The following BLK variants were observed in gnomAD, a reference collection of about 807,000 sequenced individuals.
BLK encodes the protein tyrosine-protein kinase Blk.
A neutral mutation model predicts 61.8 loss-of-function variants in BLK; 64 were observed. The ratio of observed to expected loss-of-function variants is 1.03; its 90% CI spans 0.85 to 1.27. The LOEUF is 1.27. Among genes scored for constraint, BLK ranks in the 50% most tolerant of loss-of-function variants. BLK has a pLI of 0.00. For synonymous variants in BLK, 351 were observed against 272.0 expected (o/e 1.29, Z -2.86); for missense variants, 853 against 660.5 (o/e 1.29, Z -3.19).
rs772835838 is a variant in BLK at position 11,543,371 on chromosome 8, A to G, written c.123+24A>G. 12 of 1,611,178 alleles carry G rather than the reference A, an allele frequency of 7.4e-6. No individual in the cohort carries two copies. In the South Asian group the frequency reaches 1.2e-4, roughly 16 times the overall value. ...TGGTGAGTGATTGCCCACCCCCACCAAGAGCAGATTACTTACTTCTCCTAT... is the reference window on the plus strand; with the variant it reads ...TGGTGAGTGATTGCCCACCCCCACCGAGAGCAGATTACTTACTTCTCCTAT... On this transcript the variant is annotated intron_variant, in intron 2 of 12. Coordinates refer to ENST00000259089, the MANE Select transcript of BLK (RefSeq NM_001715.3).
At chr8:11,525,881 A>G (rs1273679029) in intron 1 of BLK, among the ~76,000 whole-genome samples, 1 of 152,162 alleles carries the variant, frequency 6.6e-6, no homozygotes, top group Non-Finnish European at 1.5e-5. Context: ...AGTAGCTGGA[A>G]TTACAGGCAC....
At chr8:11,559,793 T>C (rs1801405537) in intron 10 of BLK, 1 of 456,096 alleles carries the variant, frequency 2.2e-6, no homozygotes, top group Non-Finnish European at 4.4e-6. Context: ...CCTGGCAGAA[T>C]CCTTATCATC....
chr8:11,558,189 T>C (rs1335893278), intron 10 of BLK, 151 bp downstream of exon 10: 5 of 773,980 alleles, frequency 6.5e-6, no homozygotes, highest in Non-Finnish European at 1.1e-5. Flanking sequence ...ATCCCCAAGG[T>C]CACCCACTGC....
chr8:11,504,662 T>G (rs1223804102), intron 1 of BLK, among the ~76,000 whole-genome samples: 1 of 152,218 alleles, frequency 6.6e-6, no homozygotes, highest in African/African-American at 2.4e-5. Context: ...GAGCATGTGC[T>G]CAAAAACTGT....
chr8:11,548,214 G>T, intron 4 of BLK, 89 bp downstream of exon 4: 1 of 1,148,634 alleles, frequency 8.7e-7, no homozygotes, highest in East Asian at 2.4e-5. Flanking sequence ...CTCCATGGCT[G>T]ACCCTGGAAG....
chr8:11,500,853 A>C (rs1798531287), intron 1 of BLK, among the ~76,000 whole-genome samples: 10 of 152,172 alleles, frequency 6.6e-5, no homozygotes. Flanking sequence ...ATTTCATTTT[A>C]AGATTCTTTT....
At chr8:11,518,473 GTC>G (rs889174912) in intron 1 of BLK, among the ~76,000 whole-genome samples, 1 of 152,136 alleles carries the variant, frequency 6.6e-6, no homozygotes, top group African/African-American at 2.4e-5. Context: ...ATTGAGGGGT[GTC>G]TCTCTCCCTT....
chr8:11,554,261 C>T (rs954526178), intron 6 of BLK: 3 of 204,784 alleles, frequency 1.5e-5, no homozygotes, highest in East Asian at 1.1e-4. Context: ...GAACAGAGCC[C>T]CTGGGCATAG....
chr8:11,497,338 C>T (rs1798396363), intron 1 of BLK, among the ~76,000 whole-genome samples: 1 of 152,146 alleles, frequency 6.6e-6, no homozygotes, highest in Admixed American at 6.5e-5. Flanking sequence ...GGAATGTTCC[C>T]TGGCGTGCTC....
rs1453465492 is a variant in BLK, at chr8:11,554,822, AG to A, written c.557del (p.Gly186AlafsTer31). On this transcript the variant is annotated frameshift_variant, in exon 7 of 13. Transcript: ENST00000259089. LOFTEE classifies it high-confidence loss of function. ...KHYKIRCLDEGGYYISPRITF... is the reference protein window; with the variant it reads ...KHYKIRCLDEXGYYISPRITF... ...ACTATAAGATCCGCTGCCTGGATGA[AG>A]GGGGCTACTACATCTCCCCCCGGAT... The A allele has an allele frequency of 6.2e-7, 1 of 1,613,862 alleles. No individual in the cohort carries two copies. The highest frequency in any genetic ancestry group is 8.5e-7 in the Non-Finnish European group (1 of 1,179,984).
At chr8:11,514,363 C>T (rs1177491205) in intron 1 of BLK, among the ~76,000 whole-genome samples, 2 of 152,248 alleles carry the variant, frequency 1.3e-5, no homozygotes, top group Admixed American at 6.5e-5. Context: ...TAGTCCCATC[C>T]TAAAGGCAGA....
intron 2 of BLK, 135 bp downstream of exon 2, chr8:11,543,482 T>A: frequency 7.8e-7 from 1 of 1,277,714 alleles, no homozygotes; most frequent in Non-Finnish European, 1.1e-6. Flanking sequence ...TAAGCAGGTG[T>A]GCCATGCAAT....
intron 1 of BLK, among the ~76,000 whole-genome samples, chr8:11,533,672 A>C: frequency 1.2e-5 from 1 of 85,430 alleles, no homozygotes. Flanking sequence ...AGAGGGAGGG[A>C]GATGGGGAGG....
intron 1 of BLK, among the ~76,000 whole-genome samples, chr8:11,512,514 GT>G (rs1799055612): frequency 6.6e-6 from 1 of 152,162 alleles, no homozygotes; most frequent in Admixed American, 6.5e-5. Flanking sequence ...GGGACTTCAT[GT>G]TTTACAAATT....
chr8:11,543,286 G>A lies in BLK; in HGVS notation c.62G>A (p.Gly21Asp). 6.2e-7 allele frequency: 1 copy of A among 1,613,890 alleles called. No homozygotes were observed. The highest frequency in any genetic ancestry group is 8.5e-7 in the Non-Finnish European group (1 of 1,180,018). The change falls in exon 2 of 13, where the codon GGC (glycine) becomes GAC (aspartate). Residue 21 changes from glycine to aspartate, a missense_variant. By Grantham distance (94) the Gly-to-Asp change is moderately conservative. Coordinates refer to ENST00000259089, the MANE Select transcript of BLK (RefSeq NM_001715.3). ...AAGCCGATCAAAGAGAAGGACAAGGGCCAATGGAGCCCCCTGAAGGTCAGC... is the reference window on the plus strand; with the variant it reads ...AAGCCGATCAAAGAGAAGGACAAGGACCAATGGAGCCCCCTGAAGGTCAGC... ...KEKPIKEKDK[G>D]QWSPLKVSAQ...
chr8:11,560,790 G>A (rs1328558992), intron 10 of BLK: 1 of 448,692 alleles, frequency 2.2e-6, no homozygotes, highest in Non-Finnish European at 4.5e-6. Flanking sequence ...CCCTGCCCTG[G>A]AGACCACATC....
Position 11,549,966 on chromosome 8 carries a change from C to A in BLK, c.369-193C>A, listed in dbSNP as rs569654832. On this transcript the variant is annotated intron_variant, in intron 5 of 12. Transcript: ENST00000259089. ...CAGTGAGTCCAGGGCTGACAGGAAG[C>A]GGAACTGGAAGGGCAGCGGGGCAGA... 9 of 644,496 alleles carry A rather than the reference C, an allele frequency of 1.4e-5. No individual in the cohort carries two copies. The African/African-American group carries it at 1.6e-4, about 12-fold the overall frequency. 39.9% of individuals were successfully genotyped at this position (644,496 alleles called of 1,614,324 possible). A position where few individuals can be genotyped will look rare whatever the true frequency, so the allele number is the denominator to read the frequency against.
chr8:11,558,883 C>G, intron 10 of BLK: 1 of 456,164 alleles, frequency 2.2e-6, no homozygotes, highest in Non-Finnish European at 4.4e-6. Context: ...CACATCAGCC[C>G]TCCCACCTCG....
chr8:11,545,388 A>G (rs901618959), intron 2 of BLK, among the ~76,000 whole-genome samples: 1 of 152,162 alleles, frequency 6.6e-6, no homozygotes, highest in Non-Finnish European at 1.5e-5. Flanking sequence ...GTATCTACTA[A>G]AAATACAAAA....
Sources: allele counts gnomAD v4.1 joint callset (sites outside exome capture counted in the v4.1 genomes callset), GRCh38; gene constraint gnomAD v4.1.1; transcripts MANE v1.5; gene names NCBI Gene and HGNC (gene_info 2026-07-23, HGNC 2026-07-21).